The following ENPP3 variants were observed in gnomAD, a reference collection of about 807,000 sequenced individuals.
The protein encoded by ENPP3 is ectonucleotide pyrophosphatase/phosphodiesterase 3, also known as ectonucleotide pyrophosphatase/phosphodiesterase family member 3.
In ENPP3, 104 loss-of-function variants were observed where a neutral mutation model predicts 117.8. The ratio of observed to expected loss-of-function variants is 0.88; its 90% CI spans 0.75 to 1.04. The LOEUF is 1.04. Among genes scored for constraint, ENPP3 ranks in the 50% least tolerant of loss-of-function variants. The pLI is 0.00. For missense variants in ENPP3, 1,026 were observed against 1,051.9 expected (o/e 0.98, Z 0.34); for synonymous variants, 380 against 349.9 (o/e 1.09, Z -0.96).
At chr6:131,683,843 C>T (rs62423390) in intron 12 of ENPP3, among the ~76,000 whole-genome samples, 11,078 of 151,364 alleles carry the variant, frequency 0.073, 863 homozygotes, top group African/African-American at 0.2. Context: ...CTCTGCCTCC[C>T]GAGTTCATGC....
chr6:131,644,754 T>C (rs1778121210), intron 2 of ENPP3, among the ~76,000 whole-genome samples: 1 of 152,164 alleles, frequency 6.6e-6, no homozygotes, highest in African/African-American at 2.4e-5. Flanking sequence ...ACTGTGGTGC[T>C]TGTCAGCATA....
At position 131,710,812 on chromosome 6, in the gene ENPP3, C is replaced by T. The variant is rs374439543; in HGVS notation, c.1413-7860C>T. On this transcript the variant is annotated intron_variant, in intron 15 of 24. Coordinates refer to ENST00000357639, the MANE Select transcript of ENPP3 (RefSeq NM_005021.5). ...TTTTTGCTCTCTTCCCACATAAAGC[C>T]GACTCCTAACCGATCTAAAACTTCT... 286 of 1,613,408 alleles carry T rather than the reference C, an allele frequency of 1.8e-4. No individual in the cohort carries two copies. In the African/African-American group the frequency reaches 2.9e-3, roughly 16 times the overall value.
At chr6:131,688,846 G>T (rs908592493) in intron 14 of ENPP3, among the ~76,000 whole-genome samples, 1 of 141,180 alleles carries the variant, frequency 7.1e-6, no homozygotes, top group African/African-American at 2.6e-5. Context: ...GAGGTCAGGA[G>T]ATCGAAACCA....
At chr6:131,682,933 T>C in intron 11 of ENPP3, 121 bp from the exon 12 acceptor site, 2 of 688,964 alleles carry the variant, frequency 2.9e-6, no homozygotes. Context: ...GGCTCTGAGG[T>C]TCTGTTTCAA....
intron 21 of ENPP3, among the ~76,000 whole-genome samples, chr6:131,735,286 C>T (rs1327584550): frequency 1.3e-5 from 2 of 151,910 alleles, no homozygotes; most frequent in Non-Finnish European, 2.9e-5. Flanking sequence ...TCTTATTTTC[C>T]TCTAAAACAG....
Position 131,736,172 on chromosome 6 carries a change from G to C in ENPP3, c.2090-1183G>C, listed in dbSNP as rs141618536. Reference sequence around the variant, plus strand: ...CCCACTTGGGCTGTCTGCTTCCAGAGCACCCTCGCTGAACACTCACTGTGC... The same window carrying C: ...CCCACTTGGGCTGTCTGCTTCCAGACCACCCTCGCTGAACACTCACTGTGC... On this transcript the variant is annotated intron_variant, in intron 21 of 24. Coordinates refer to ENST00000357639, the MANE Select transcript of ENPP3 (RefSeq NM_005021.5). Among the ~76,000 whole-genome samples, 191 of 152,310 alleles carry C rather than the reference G, an allele frequency of 1.3e-3. 2 individuals carry two copies. In the East Asian group the frequency reaches 0.034, roughly 27 times the overall value.
chr6:131,652,388 T>C (rs1228840054), intron 3 of ENPP3, among the ~76,000 whole-genome samples, 154 bp from the exon 4 acceptor site: 2 of 152,240 alleles, frequency 1.3e-5, no homozygotes, highest in Admixed American at 6.5e-5. Flanking sequence ...AAAGTGGTGG[T>C]TTGCCCCTCA....
At chr6:131,660,259 C>A (rs1399415791) in intron 6 of ENPP3, among the ~76,000 whole-genome samples, 2 of 152,148 alleles carry the variant, frequency 1.3e-5, no homozygotes, top group African/African-American at 4.8e-5. Context: ...TGACAGCAGG[C>A]CTTGCTATTA....
chr6:131,648,395 A>T (rs950895253), intron 2 of ENPP3, among the ~76,000 whole-genome samples: 3 of 151,738 alleles, frequency 2.0e-5, no homozygotes, highest in Non-Finnish European at 2.9e-5. Flanking sequence ...TTTTTTGTAT[A>T]TGTTGTGAGG....
chr6:131,710,564 C>T (rs746115212), intron 15 of ENPP3: 3 of 1,612,854 alleles, frequency 1.9e-6, no homozygotes, highest in Non-Finnish European at 2.5e-6. Flanking sequence ...TCTTTTAAGT[C>T]TTTTTCTAGA....
intron 11 of ENPP3, among the ~76,000 whole-genome samples, chr6:131,679,251 C>T (rs1044409482): frequency 5.3e-5 from 8 of 151,576 alleles, no homozygotes; most frequent in East Asian, 3.9e-4. Context: ...TGCGCCACCA[C>T]GCTAGGCTAA....
chr6:131,697,831 T>C (rs1014479614), intron 15 of ENPP3, among the ~76,000 whole-genome samples: 25 of 152,220 alleles, frequency 1.6e-4, no homozygotes, highest in African/African-American at 5.8e-4. Flanking sequence ...TGTGGGTCCA[T>C]GGCCCAGGGG....
At chr6:131,685,327 A>G (rs752454502) in intron 12 of ENPP3, 37 bp from the exon 13 acceptor site, 1 of 1,555,262 alleles carries the variant, frequency 6.4e-7, no homozygotes, top group East Asian at 2.3e-5. Context: ...CCATTTATAT[A>G]CATTCAGTGG....
At chr6:131,676,678 A>G (rs555464953) in intron 9 of ENPP3, 58 bp from the exon 10 acceptor site, 8 of 1,136,764 alleles carry the variant, frequency 7.0e-6, no homozygotes, top group African/African-American at 6.1e-5. Context: ...TAGGAATGTA[A>G]TGGAGTTATT....
intron 1 of ENPP3, chr6:131,638,612 G>A (rs967358292): frequency 5.7e-6 from 2 of 353,458 alleles, no homozygotes; most frequent in Non-Finnish European, 1.1e-5. Context: ...TTTTTGTAGA[G>A]ACTGGGTTTC....
At chr6:131,740,655 A>G (rs1780509840) in intron 24 of ENPP3, among the ~76,000 whole-genome samples, 1 of 152,144 alleles carries the variant, frequency 6.6e-6, no homozygotes, top group African/African-American at 2.4e-5. Context: ...GAAAGAGGTG[A>G]AATCTTGTTA....
chr6:131,676,200 C>A (rs371503778), intron 9 of ENPP3, among the ~76,000 whole-genome samples: 13 of 151,598 alleles, frequency 8.6e-5, no homozygotes, highest in South Asian at 6.3e-4. Flanking sequence ...CCCAGTTATA[C>A]TTAAGATTTA....
intron 6 of ENPP3, among the ~76,000 whole-genome samples, chr6:131,658,725 G>T (rs1370553697): frequency 2.6e-5 from 4 of 152,182 alleles, no homozygotes; most frequent in Admixed American, 2.0e-4. Flanking sequence ...AGTGATGTTT[G>T]TCAGACCCAG....
At chr6:131,718,813 A>C in intron 16 of ENPP3, 75 bp downstream of exon 16, 1 of 806,190 alleles carries the variant, frequency 1.2e-6, no homozygotes, top group Non-Finnish European at 2.0e-6. Flanking sequence ...GGTTTGTTAC[A>C]TAGGTAAACA....
Sources: gnomAD v4.1 joint callset for allele counts (sites outside exome capture counted in the v4.1 genomes callset) on GRCh38, gnomAD v4.1.1 for gene constraint, MANE v1.5 for transcripts, NCBI Gene and HGNC (gene_info 2026-07-23, HGNC 2026-07-21) for gene names.